SPACA3: variants seen among roughly 807,000 people sequenced by gnomAD.
SPACA3 encodes the protein sperm acrosome membrane-associated protein 3.
Under a neutral mutation model 24.5 loss-of-function variants are expected in SPACA3, and 21 were observed. That is an observed-to-expected ratio of 0.86 (90% CI 0.61 to 1.24). The LOEUF (loss-of-function observed/expected upper bound fraction) is 1.24, where lower values mean the gene tolerates loss of function less well. SPACA3 is among the 50% of genes most tolerant of loss of function. The pLI, the probability that SPACA3 is intolerant of heterozygous loss-of-function variation, is 0.00. For synonymous variants in SPACA3, 115 were observed against 106.9 expected, an observed-to-expected ratio of 1.08 and a Z score of -0.47; for missense variants, 278 against 275.5, an observed-to-expected ratio of 1.01 and a Z score of -0.06.
intron 3 of SPACA3, 104 bp from the exon 4 acceptor site, chr17:32,997,341 G>GTT (rs1567712397): frequency 1.3e-6 from 1 of 766,326 alleles, no homozygotes; most frequent in African/African-American, 2.3e-5. Context: ...GTGTGTGTGT[G>GTT]TGTAGAGAGA....
At position 32,996,972 on chromosome 17, in the gene SPACA3, T is replaced by C. The variant is rs765816585; in HGVS notation, c.473T>C (p.Val158Ala). ...RRWCSNLTPN[V>A]PNVCRMYCSD... ...TGGTGCAGCAACCTCACCCCGAACG[T>C]CCCCAACGTGTGCCGGATGTACTGC... The change falls in exon 3 of 5, where the codon GTC (valine) becomes GCC (alanine). Residue 158 changes from valine to alanine, a missense_variant. Physicochemically the swap from Val to Ala is moderately conservative, Grantham distance 64. Coordinates refer to ENST00000269053, the MANE Select transcript of SPACA3 (RefSeq NM_173847.5). 2.5e-6 allele frequency: 4 copies of C among 1,584,390 alleles called. No individual in the cohort carries two copies. The highest frequency in any genetic ancestry group is 2.7e-5 in the African/African-American group (2 of 73,958).
rs935068243 is a variant in SPACA3, at chr17:32,997,533, T to C, written c.581+10T>C. 6.2e-7 allele frequency: 1 copy of C among 1,611,796 alleles called. No homozygotes were observed. The highest frequency in any genetic ancestry group is 8.5e-7 in the Non-Finnish European group (1 of 1,177,898). On this transcript the variant is annotated intron_variant, in intron 4 of 4. Transcript: ENST00000269053. ...AGGGTCTGGGTTACTGGTAAGTAAC[T>C]TGGGCTGGAGCCCCGCAGCGGTGGT...
At chr17:32,992,030 C>T in intron 1 of SPACA3, 58 bp downstream of exon 1, 2 of 1,591,278 alleles carry the variant, frequency 1.3e-6, no homozygotes, top group South Asian at 2.3e-5. Flanking sequence ...GTTGGTCTGG[C>T]CAGAGACCAG....
chr17:32,992,857 C>T lies in SPACA3; in HGVS notation c.34+885C>T, dbSNP rs139791624. 132 of 469,704 alleles carry T rather than the reference C, an allele frequency of 2.8e-4. 2 individuals carry two copies. Among genetic ancestry groups the T allele is most frequent in the Admixed American group, 1.7e-3 (73 of 42,416 alleles). The allele number at this position is 469,704 out of a possible 1,614,324, so 29.1% of individuals were successfully genotyped here. A position where few individuals can be genotyped will look rare whatever the true frequency, so the allele number is the denominator to read the frequency against. On this transcript the variant is annotated intron_variant, in intron 1 of 4. Coordinates refer to ENST00000269053, the MANE Select transcript of SPACA3 (RefSeq NM_173847.5). ...GGGTCGTGAAGGGCCGTGTGGACCT[C>T]GAAGGGGCAGTTATGGTGGGAGCCA...
chr17:32,995,726 C>T lies in SPACA3; in HGVS notation c.343+9C>T. 1 of 1,607,754 alleles carries T rather than the reference C, an allele frequency of 6.2e-7. No homozygotes were observed. The highest frequency in any genetic ancestry group is 8.5e-7 in the Non-Finnish European group (1 of 1,175,118). ...ATACAGCCTGGCTGACTGTGAGAAC[C>T]CCTCTCCCTGGCGGGCCCTGACTTC... On this transcript the variant is annotated intron_variant, in intron 2 of 4. Coordinates refer to ENST00000269053, the MANE Select transcript of SPACA3 (RefSeq NM_173847.5).
In SPACA3 at chr17:32,996,978, A is replaced by T; in HGVS notation, c.479A>T (p.Asn160Ile). 6.3e-7 allele frequency: 1 copy of T among 1,575,760 alleles called. No individual in the cohort carries two copies. Among genetic ancestry groups the T allele is most frequent in the Non-Finnish European group, 8.6e-7 (1 of 1,161,202 alleles). ...AGCAACCTCACCCCGAACGTCCCCA[A>T]CGTGTGCCGGATGTACTGCTCAGGT... The part of the protein sequence containing the change: ...WCSNLTPNVP[N>I]VCRMYCSDLL... The change falls in exon 3 of 5, where the codon AAC (asparagine) becomes ATC (isoleucine). Residue 160 changes from asparagine (N) to isoleucine (I), a missense_variant. Transcript: ENST00000269053.
intron 1 of SPACA3, chr17:32,993,152 C>T: frequency 2.9e-6 from 1 of 348,304 alleles, no homozygotes; most frequent in Non-Finnish European, 5.8e-6. Flanking sequence ...AATGTGTGGC[C>T]CATCATGTTT....
intron 3 of SPACA3, 109 bp from the exon 4 acceptor site, chr17:32,997,336 T>TA (rs1222207751): frequency 3.0e-4 from 239 of 791,338 alleles, no homozygotes; most frequent in Non-Finnish European, 4.4e-4. Flanking sequence ...TGTGTGTGTG[T>TA]GTGTGTGTAG....
chr17:32,994,105 G>T (rs572044243), intron 1 of SPACA3, among the ~76,000 whole-genome samples: 1 of 152,130 alleles, frequency 6.6e-6, no homozygotes, highest in African/African-American at 2.4e-5. Flanking sequence ...GAGCCAAGGG[G>T]TGGGACAGCG....
chr17:32,996,521 T>C (rs1047407921), intron 2 of SPACA3, among the ~76,000 whole-genome samples: 2 of 150,544 alleles, frequency 1.3e-5, no homozygotes, highest in Non-Finnish European at 2.9e-5. Flanking sequence ...TTAGCACTTG[T>C]AGATTCATTC....
rs2091715370 is a variant in SPACA3 at position 32,995,410 on chromosome 17, G to A, written c.36G>A (p.Arg12=). The A allele has an allele frequency of 1.9e-6, 3 of 1,590,224 alleles. No individual in the cohort carries two copies. Among genetic ancestry groups the A allele is most frequent in the African/African-American group, 1.3e-5 (1 of 74,550 alleles). Residue 12 remains arginine (R), a splice_region_variant and synonymous_variant, in exon 2 of 5, where the codon AGG becomes AGA. Transcript: ENST00000269053. ...CTTCTCTCCTCTCCCCTTTCCCAGGGGTGCACTCAAGCCCTGTTTCTTCTC... is the reference window on the plus strand; with the variant it reads ...CTTCTCTCCTCTCCCCTTTCCCAGGAGTGCACTCAAGCCCTGTTTCTTCTC... The part of the protein sequence containing the change: ...VSALRGAPLI[R]VHSSPVSSPS...
intron 3 of SPACA3, 101 bp from the exon 4 acceptor site, chr17:32,997,344 T>TGTGTGTGGAG: frequency 3.3e-6 from 2 of 602,094 alleles, no homozygotes; most frequent in Middle Eastern, 3.3e-4. Context: ...TGTGTGTGTG[T>TGTGTGTGGAG]AGAGAGAGAG....
chr17:32,993,979 C>T (rs1055218477), intron 1 of SPACA3, among the ~76,000 whole-genome samples: 1 of 151,932 alleles, frequency 6.6e-6, no homozygotes, highest in Non-Finnish European at 1.5e-5. Flanking sequence ...GAGATGAGGG[C>T]GAGGAGGCTA....
chr17:32,993,595 G>A (rs758549291), intron 1 of SPACA3, among the ~76,000 whole-genome samples: 2 of 152,122 alleles, frequency 1.3e-5, no homozygotes, highest in Admixed American at 6.5e-5. Flanking sequence ...AGACAGAGTC[G>A]AAGGGGGCCT....
intron 1 of SPACA3, among the ~76,000 whole-genome samples, chr17:32,995,132 C>T (rs1408847920): frequency 6.6e-6 from 1 of 152,328 alleles, no homozygotes; most frequent in African/African-American, 2.4e-5. Context: ...CTCAGTGGGG[C>T]TTTGGATTTA....
At chr17:32,997,666 A>G (rs1366709496) in intron 4 of SPACA3, 46 bp from the exon 5 acceptor site, 1 of 1,592,398 alleles carries the variant, frequency 6.3e-7, no homozygotes, top group South Asian at 1.1e-5. Context: ...GTGACTGGCA[A>G]CTGCAGCTGA....
rs2091692250 is a variant in SPACA3 at position 32,991,972 on chromosome 17, A to G, written c.34A>G (p.Arg12Gly). ...AGCTCTGCGGGGAGCACCCCTGATC[A>G]GTGAGCCCCCTTTCCCTTCTTCCTG... is the stretch of plus-strand genomic sequence containing the variant. ...VSALRGAPLI[R>G]VHSSPVSSPS... Residue 12 changes from arginine to glycine, a missense_variant and splice_region_variant, in exon 1 of 5, where the codon AGG (arginine) becomes GGG (glycine). Coordinates refer to ENST00000269053, the MANE Select transcript of SPACA3 (RefSeq NM_173847.5). The G allele has an allele frequency of 1.9e-6, 3 of 1,613,924 alleles. No individual in the cohort carries two copies. The highest frequency in any genetic ancestry group is 2.5e-6 in the Non-Finnish European group (3 of 1,179,964).
rs1567711672 is a variant in SPACA3 at position 32,995,630 on chromosome 17, G to A, written c.256G>A (p.Glu86Lys). The A allele has an allele frequency of 2.5e-6, 4 of 1,614,236 alleles. No homozygotes were observed. The highest frequency in any genetic ancestry group is 3.4e-6 in the Non-Finnish European group (4 of 1,180,046). The part of the protein sequence containing the change: ...CLLSCLLPSS[E>K]AKLYGRCELA... ...GCTCAGCTGCCTGCTACCCTCCAGT[G>A]AGGCCAAGCTCTACGGTCGTTGTGA... Residue 86 changes from glutamate to lysine, a missense_variant, in exon 2 of 5, where the codon GAG becomes AAG. By Grantham distance (56) the Glu-to-Lys change is moderately conservative (BLOSUM62 1). Coordinates refer to ENST00000269053, the MANE Select transcript of SPACA3 (RefSeq NM_173847.5).
At chr17:32,997,093 G>A (rs1169733019) in intron 3 of SPACA3, 92 bp downstream of exon 3, 2 of 1,393,160 alleles carry the variant, frequency 1.4e-6, no homozygotes, top group Non-Finnish European at 1.9e-6. Context: ...CCATCTCTGA[G>A]TGAGGGTTCC....
Sources: gnomAD v4.1 joint callset for allele counts (sites outside exome capture counted in the v4.1 genomes callset) on GRCh38, gnomAD v4.1.1 for gene constraint, MANE v1.5 for transcripts, NCBI Gene and HGNC (gene_info 2026-07-23, HGNC 2026-07-21) for gene names.